The following EVL variants were observed in gnomAD, a reference collection of about 807,000 sequenced individuals.
EVL encodes Enah/Vasp-like.
EVL carries 21 observed loss-of-function variants against 59.6 expected under a neutral mutation model. The ratio of observed to expected loss-of-function variants is 0.35; its 90% CI spans 0.25 to 0.51. The LOEUF is 0.51. Ranked by LOEUF, EVL falls within the 20% of genes least tolerant of loss-of-function variation. The pLI, the probability that EVL is intolerant of heterozygous loss-of-function variation, is 0.97. For missense variants in EVL, 462 were observed against 546.6 expected, an observed-to-expected ratio of 0.85 and a Z score of 1.54; for synonymous variants, 198 against 203.5, an observed-to-expected ratio of 0.97 and a Z score of 0.23.
intron 7 of EVL, 131 bp downstream of exon 7, chr14:100,129,815 CTG>C: frequency 1.5e-6 from 2 of 1,337,192 alleles, no homozygotes; most frequent in Non-Finnish European, 2.0e-6. Flanking sequence ...GCAGGGGAAA[CTG>C]TTACTTAAGT....
chr14:100,080,789 C>G (rs988029673), intron 1 of EVL, among the ~76,000 whole-genome samples: 1 of 152,138 alleles, frequency 6.6e-6, no homozygotes, highest in African/African-American at 2.4e-5. Flanking sequence ...CCATGCAGAA[C>G]AAACCAGTGT....
At chr14:100,069,293 G>C (rs2061999609) in intron 1 of EVL, among the ~76,000 whole-genome samples, 1 of 152,254 alleles carries the variant, frequency 6.6e-6, no homozygotes, top group African/African-American at 2.4e-5. Context: ...CTGTCAGGTA[G>C]TGAAGGAGCT....
At chr14:100,008,440 G>C (rs1449462783) in intron 1 of EVL, among the ~76,000 whole-genome samples, 1 of 152,066 alleles carries the variant, frequency 6.6e-6, no homozygotes, top group Admixed American at 6.6e-5. Flanking sequence ...CTTTTCTTAG[G>C]TCACTTACCA....
chr14:100,113,081 C>G (rs1887106235), intron 3 of EVL, among the ~76,000 whole-genome samples: 1 of 152,258 alleles, frequency 6.6e-6, no homozygotes, highest in South Asian at 2.1e-4. Flanking sequence ...CTGGGAGAGC[C>G]CTGGGGGCGG....
At chr14:100,118,872 G>A (rs1425332968) in intron 3 of EVL, among the ~76,000 whole-genome samples, 1 of 152,248 alleles carries the variant, frequency 6.6e-6, no homozygotes, top group African/African-American at 2.4e-5. Context: ...ATGGAACTTA[G>A]ACTCGAAGCT....
intron 2 of EVL, among the ~76,000 whole-genome samples, chr14:100,095,107 C>T (rs12431527): frequency 0.13 from 19,403 of 152,138 alleles, 1,683 homozygotes; most frequent in African/African-American, 0.24. Context: ...CAAGTCAAAT[C>T]ATAGGGTTCT....
chr14:100,082,482 T>C (rs1201980546), intron 1 of EVL, among the ~76,000 whole-genome samples: 1 of 152,160 alleles, frequency 6.6e-6, no homozygotes, highest in East Asian at 1.9e-4. Flanking sequence ...TGTGTGACTC[T>C]GGAGAGAAGC....
chr14:100,008,758 G>A (rs1034800973), intron 1 of EVL, among the ~76,000 whole-genome samples: 2 of 152,120 alleles, frequency 1.3e-5, no homozygotes, highest in African/African-American at 4.8e-5. Context: ...CCGTGGGAAG[G>A]TCTTAATCAA....
rs181687044 is a variant in EVL, at chr14:100,115,549, C to T, written c.359-7990C>T. ...CCATCCCCACATCTGTAAGTGATGA[C>T]CTTCTAACTTGACAGGTCTTTCAGA... is the stretch of plus-strand genomic sequence containing the variant. On this transcript the variant is annotated intron_variant, in intron 3 of 13. Coordinates refer to ENST00000392920, the MANE Select transcript of EVL (RefSeq NM_016337.3). Among the ~76,000 whole-genome samples, 85 of 152,356 alleles carry T rather than the reference C, an allele frequency of 5.6e-4. No individual in the cohort carries two copies. The Middle Eastern group carries it at 0.01, about 18-fold the overall frequency.
In EVL at chr14:100,135,953, C is replaced by A; in HGVS notation, c.949C>A (p.Pro317Thr). The A allele has an allele frequency of 6.2e-7, 1 of 1,613,750 alleles. No homozygotes were observed. Among genetic ancestry groups the A allele is most frequent in the Non-Finnish European group, 8.5e-7 (1 of 1,179,994 alleles). The stretch of plus-strand genomic sequence containing the variant: ...TCCGGGGACCCGAGCAGCCAGCCAG[C>A]CACCTAACTCCTCAGGTGAGAGGGC... ...PSPGTRAASQ[P>T]PNSSEAGRKP... The change falls in exon 9 of 14, where the codon CCA (proline) becomes ACA (threonine). Residue 317 changes from proline to threonine, a missense_variant. Pro to Thr is a conservative substitution (Grantham distance 38). Coordinates refer to ENST00000392920, the MANE Select transcript of EVL (RefSeq NM_016337.3).
chr14:100,089,228 A>G (rs1461178005), intron 2 of EVL, among the ~76,000 whole-genome samples: 1 of 152,244 alleles, frequency 6.6e-6, no homozygotes, highest in Non-Finnish European at 1.5e-5. Flanking sequence ...TAATTGAATA[A>G]AGACATAGAA....
At chr14:100,018,026 G>T (rs1327708461) in intron 1 of EVL, among the ~76,000 whole-genome samples, 2 of 152,254 alleles carry the variant, frequency 1.3e-5, no homozygotes, top group African/African-American at 4.8e-5. Flanking sequence ...AGGCAAAAGA[G>T]GTTCATTCAG....
chr14:100,028,790 A>G (rs2061263814), intron 1 of EVL, among the ~76,000 whole-genome samples: 1 of 152,216 alleles, frequency 6.6e-6, no homozygotes, highest in Non-Finnish European at 1.5e-5. Context: ...CAGCCTGGCA[A>G]CAGAGCGAGA....
intron 1 of EVL, among the ~76,000 whole-genome samples, chr14:100,057,174 G>C (rs534775320): frequency 6.6e-6 from 1 of 152,332 alleles, no homozygotes; most frequent in African/African-American, 2.4e-5. Context: ...ACCAGGGCAT[G>C]TGCTAGAAAC....
At chr14:99,998,773 T>C (rs928499739) in intron 1 of EVL, among the ~76,000 whole-genome samples, 3 of 152,130 alleles carry the variant, frequency 2.0e-5, no homozygotes, top group African/African-American at 7.2e-5. Context: ...TGAGCAACTT[T>C]ATATGCATTA....
At chr14:100,024,403 A>G (rs2061176910) in intron 1 of EVL, among the ~76,000 whole-genome samples, 1 of 152,186 alleles carries the variant, frequency 6.6e-6, no homozygotes, top group African/African-American at 2.4e-5. Context: ...CCTTGAAGAA[A>G]CAGATGTTTA....
chr14:99,996,927 G>A (rs2060917888), intron 1 of EVL, among the ~76,000 whole-genome samples: 2 of 152,334 alleles, frequency 1.3e-5, no homozygotes, highest in South Asian at 4.1e-4. Context: ...CAGGATTACA[G>A]ACGTGAGCCA....
chr14:100,024,599 C>G (rs184728486), intron 1 of EVL, among the ~76,000 whole-genome samples: 4 of 152,320 alleles, frequency 2.6e-5, no homozygotes, highest in African/African-American at 9.6e-5. Flanking sequence ...CTCCATACCA[C>G]TCTAGCCACG....
chr14:100,104,055 T>G (rs1566697813), intron 3 of EVL, among the ~76,000 whole-genome samples: 1 of 152,192 alleles, frequency 6.6e-6, no homozygotes, highest in East Asian at 1.9e-4. Context: ...CCGTTGGTTG[T>G]TCTGAGGACT....
Sources: gnomAD v4.1 joint callset for allele counts (sites outside exome capture counted in the v4.1 genomes callset) on GRCh38, gnomAD v4.1.1 for gene constraint, MANE v1.5 for transcripts, NCBI Gene and HGNC (gene_info 2026-07-23, HGNC 2026-07-21) for gene names.